The following MAMLD1 variants were observed in gnomAD, a reference collection of about 807,000 sequenced individuals.
MAMLD1 encodes the protein mastermind like domain containing 1, also known as mastermind-like domain-containing protein 1.
Under a neutral mutation model 45.0 loss-of-function variants are expected in MAMLD1, and 14 were observed. The ratio of observed to expected loss-of-function variants is 0.31; its 90% CI spans 0.21 to 0.49. The LOEUF (loss-of-function observed/expected upper bound fraction) is 0.49. Ranked by LOEUF, MAMLD1 falls within the 20% of genes least tolerant of loss-of-function variation. The pLI, the probability that MAMLD1 is intolerant of heterozygous loss-of-function variation, is 0.99. For missense variants in MAMLD1, 543 were observed against 603.6 expected (o/e 0.90, Z 1.05); for synonymous variants, 254 against 247.8 (o/e 1.02, Z -0.24).
At chrX:150,431,539 G>C (rs1488864958) in intron 1 of MAMLD1, among the ~76,000 whole-genome samples, 1 of 110,542 alleles carries the variant, frequency 9.0e-6, no homozygotes, top group African/African-American at 3.3e-5. Context: ...GTACCTGATA[G>C]GTAGTTTTTT....
intron 1 of MAMLD1, among the ~76,000 whole-genome samples, chrX:150,413,649 T>A (rs149138316): frequency 1.9e-5 from 2 of 104,331 alleles, no homozygotes; most frequent in East Asian, 3.0e-4. Context: ...ACAACCAGAG[T>A]CAGGGGGAAA....
chrX:150,445,733 T>C (rs2035466804), intron 2 of MAMLD1, 121 bp downstream of exon 2: 3 of 531,060 alleles, frequency 5.6e-6, no homozygotes, highest in Non-Finnish European at 6.4e-6. Context: ...ACTCAAAATA[T>C]AAGGAATTCA....
intron 5 of MAMLD1, among the ~76,000 whole-genome samples, chrX:150,493,391 T>G (rs1557408051): frequency 8.9e-6 from 1 of 112,383 alleles, no homozygotes; most frequent in Non-Finnish European, 1.9e-5. Flanking sequence ...AAACTTGAGT[T>G]GTTCCTTCAA....
At chrX:150,397,798 T>C (rs1427781448) in intron 1 of MAMLD1, among the ~76,000 whole-genome samples, 1 of 111,523 alleles carries the variant, frequency 9.0e-6, no homozygotes, top group Non-Finnish European at 1.9e-5. Flanking sequence ...TTCTCTAGCA[T>C]TCTGGAAGCT....
intron 2 of MAMLD1, among the ~76,000 whole-genome samples, chrX:150,456,829 C>T (rs1008621931): frequency 8.9e-6 from 1 of 112,398 alleles, no homozygotes; most frequent in Non-Finnish European, 1.9e-5. Flanking sequence ...TCCAGATATA[C>T]AGCTGGGCCG....
At chrX:150,491,778 A>T (rs1276926109) in intron 5 of MAMLD1, among the ~76,000 whole-genome samples, 1 of 111,956 alleles carries the variant, frequency 8.9e-6, no homozygotes, top group Admixed American at 9.4e-5. Flanking sequence ...GGGACAAAAA[A>T]GGGGAGACAG....
intron 2 of MAMLD1, among the ~76,000 whole-genome samples, chrX:150,456,947 C>T (rs1219359432): frequency 8.9e-6 from 1 of 112,674 alleles, no homozygotes; most frequent in Non-Finnish European, 1.9e-5. Context: ...CTAGATGGTA[C>T]ATTCCCAGCC....
At chrX:150,495,777 C>T (rs1443690005) in intron 5 of MAMLD1, among the ~76,000 whole-genome samples, 2 of 112,242 alleles carry the variant, frequency 1.8e-5, no homozygotes, top group East Asian at 5.6e-4. Context: ...CTTTACCTCC[C>T]AGATCTGGGA....
chrX:150,503,254 T>C lies in MAMLD1; in HGVS notation c.2041-20T>C. On this transcript the variant is annotated intron_variant, in intron 5 of 7. Coordinates refer to ENST00000370401, the MANE Select transcript of MAMLD1 (RefSeq NM_005491.5). ...TTTTGTGGCCAAGCAGCTGATGGATTGTTCAATCGGTTGTTGTAGACTCAT... is the reference window on the plus strand; with the variant it reads ...TTTTGTGGCCAAGCAGCTGATGGATCGTTCAATCGGTTGTTGTAGACTCAT... 4 of 1,199,854 alleles carry C rather than the reference T, an allele frequency of 3.3e-6. No individual in the cohort carries two copies. The highest frequency in any genetic ancestry group is 3.4e-6 in the Non-Finnish European group (3 of 884,400).
chrX:150,503,041 C>T lies in MAMLD1; in HGVS notation c.2041-233C>T, dbSNP rs1286192922. Among the ~76,000 whole-genome samples the T allele has an allele frequency of 6.2e-5, 7 of 112,112 alleles. No homozygotes were observed. The South Asian group carries it at 1.5e-3, about 24-fold the overall frequency. Reference sequence around the variant, plus strand: ...TGGTGGGCTGGAAAGGGGGAGACACCATAAGTGCTTTTTCTGTGGAGAGAA... The same window carrying T: ...TGGTGGGCTGGAAAGGGGGAGACACTATAAGTGCTTTTTCTGTGGAGAGAA... On this transcript the variant is annotated intron_variant, in intron 5 of 7. Coordinates refer to ENST00000370401, the MANE Select transcript of MAMLD1 (RefSeq NM_005491.5).
At chrX:150,405,614 A>G (rs896494656) in intron 1 of MAMLD1, among the ~76,000 whole-genome samples, 3 of 112,158 alleles carry the variant, frequency 2.7e-5, no homozygotes, top group Admixed American at 9.4e-5. Flanking sequence ...AACTTGGAAT[A>G]AGCTAGAAAG....
At chrX:150,403,990 AAGAAAG>A (rs1420119335) in intron 1 of MAMLD1, among the ~76,000 whole-genome samples, 6 of 97,238 alleles carry the variant, frequency 6.2e-5, no homozygotes, top group African/African-American at 2.3e-4. Context: ...GAAAGAAAGA[AAGAAAG>A]AAGAAAGGAA....
At chrX:150,421,710 T>G (rs1018928341) in intron 1 of MAMLD1, among the ~76,000 whole-genome samples, 5 of 112,461 alleles carry the variant, frequency 4.4e-5, no homozygotes, top group Middle Eastern at 4.6e-3. Context: ...CACTTTCTTT[T>G]TAGAACGTGT....
chrX:150,398,343 G>A (rs7067011), intron 1 of MAMLD1, among the ~76,000 whole-genome samples: 1,576 of 55,802 alleles, frequency 0.028, 57 homozygotes, highest in African/African-American at 0.041. Context: ...AAGAAGAAGA[G>A]GAAGAGGAAG....
Position 150,470,808 on chromosome X carries a change from G to A in MAMLD1, c.1235G>A (p.Ser412Asn), listed in dbSNP as rs781794823. 8.3e-7 allele frequency: 1 copy of A among 1,210,490 alleles called. No individual in the cohort carries two copies. Among genetic ancestry groups the A allele is most frequent in the East Asian group, 3.0e-5 (1 of 33,759 alleles). Residue 412 changes from serine to asparagine, a missense_variant, in exon 4 of 8, where the codon AGC becomes AAC. By Grantham distance (46) the Ser-to-Asn change is conservative. Coordinates refer to ENST00000370401, the MANE Select transcript of MAMLD1 (RefSeq NM_005491.5). ...AMPYAPEKLP[S>N]PALTQQPQFG... is the part of the protein sequence containing the mutation. ...CCCTATGCTCCTGAGAAGCTCCCCA[G>A]CCCTGCTCTCACTCAACAGCCGCAG...
chrX:150,398,361 G>GGAAGAGGAAGAA, intron 1 of MAMLD1, among the ~76,000 whole-genome samples: 1 of 99,572 alleles, frequency 1.0e-5, no homozygotes, highest in Admixed American at 1.1e-4. Context: ...AAGAGGAAGA[G>GGAAGAGGAAGAA]GAAGAGGAAG....
At chrX:150,426,477 C>T (rs1443097086) in intron 1 of MAMLD1, among the ~76,000 whole-genome samples, 3 of 112,284 alleles carry the variant, frequency 2.7e-5, no homozygotes, top group African/African-American at 6.5e-5. Flanking sequence ...TGCTGCCTTC[C>T]GATTGCTTCT....
chrX:150,431,493 T>C (rs2034944886), intron 1 of MAMLD1, among the ~76,000 whole-genome samples: 1 of 110,005 alleles, frequency 9.1e-6, no homozygotes, highest in African/African-American at 3.3e-5. Flanking sequence ...AGGGGTCTGG[T>C]GTACAGGTTA....
At chrX:150,487,559 C>T (rs1282941224) in intron 5 of MAMLD1, among the ~76,000 whole-genome samples, 1 of 111,818 alleles carries the variant, frequency 8.9e-6, no homozygotes, top group African/African-American at 3.3e-5. Flanking sequence ...CTATGTGACC[C>T]GGGTATTCAT....
Sources: gnomAD v4.1 joint callset for allele counts (sites outside exome capture counted in the v4.1 genomes callset) on GRCh38, gnomAD v4.1.1 for gene constraint, MANE v1.5 for transcripts, NCBI Gene and HGNC (gene_info 2026-07-23, HGNC 2026-07-21) for gene names.